Variants in MYO5B observed in about 807,000 individuals in gnomAD.
MYO5B encodes unconventional myosin-Vb.
MYO5B carries 143 observed loss-of-function variants against 229.3 expected under a neutral mutation model. The ratio of observed to expected loss-of-function variants is 0.62; its 90% CI spans 0.54 to 0.72. MYO5B has a LOEUF of 0.72. MYO5B is among the 30% of genes least tolerant of loss of function. The pLI, the probability that MYO5B is intolerant of heterozygous loss-of-function variation, is 0.00. For missense variants in MYO5B, 2,321 were observed against 2,331.0 expected (o/e 1.00, Z 0.09); for synonymous variants, 918 against 885.2 (o/e 1.04, Z -0.66).
chr18:50,121,460 A>G (rs182776510), intron 1 of MYO5B, among the ~76,000 whole-genome samples: 1 of 152,346 alleles, frequency 6.6e-6, no homozygotes, highest in Non-Finnish European at 1.5e-5. Context: ...GATTTACCTA[A>G]AAGATTTATC....
chr18:50,075,323 G>A (rs1469038825), intron 1 of MYO5B, among the ~76,000 whole-genome samples: 1 of 152,172 alleles, frequency 6.6e-6, no homozygotes, highest in Non-Finnish European at 1.5e-5. Context: ...CATCTCAGGT[G>A]TGTGCCAAGA....
chr18:49,865,932 T>C (rs2024390238), intron 27 of MYO5B, among the ~76,000 whole-genome samples: 1 of 152,086 alleles, frequency 6.6e-6, no homozygotes, highest in Admixed American at 6.5e-5. Flanking sequence ...CCCCCACACA[T>C]AACCTCTCCT....
intron 4 of MYO5B, among the ~76,000 whole-genome samples, chr18:50,015,902 A>C (rs552693529): frequency 1.3e-5 from 2 of 152,302 alleles, no homozygotes; most frequent in African/African-American, 4.8e-5. Flanking sequence ...ACATATTAAG[A>C]TTCTTGCTGG....
At chr18:49,889,665 C>T (rs1381968566) in intron 22 of MYO5B, among the ~76,000 whole-genome samples, 2 of 152,228 alleles carry the variant, frequency 1.3e-5, no homozygotes, top group Admixed American at 6.5e-5. Flanking sequence ...GACCCCTCGC[C>T]ATCCTTTGAG....
chr18:49,839,283 A>G lies in MYO5B; in HGVS notation c.4713T>C (p.Thr1571=), dbSNP rs1359728462. 5 of 1,613,804 alleles carry G rather than the reference A, an allele frequency of 3.1e-6. No individual in the cohort carries two copies. The African/African-American group carries it at 5.3e-5, about 17-fold the overall frequency. ...GTTCATTCTGCTTTGCAGTGTTCTG[A>G]GTCATGAAGCCCTGCAGAGGGAGAG... is the stretch of plus-strand genomic sequence containing the variant. ...KQYSGDEGFM[T]QNTAKQNEHC... Residue 1571 remains threonine (T), a synonymous_variant, in exon 36 of 40, where the codon ACT becomes ACC. Transcript: ENST00000285039.
At chr18:50,134,017 A>C (rs1364356499) in intron 1 of MYO5B, among the ~76,000 whole-genome samples, 1 of 152,216 alleles carries the variant, frequency 6.6e-6, no homozygotes, top group African/African-American at 2.4e-5. Flanking sequence ...GGAGTGAGAC[A>C]GATACAAGAT....
At chr18:50,150,922 C>T (rs1380107239) in intron 1 of MYO5B, among the ~76,000 whole-genome samples, 1 of 152,192 alleles carries the variant, frequency 6.6e-6, no homozygotes, top group Non-Finnish European at 1.5e-5. Context: ...ATACTCAATG[C>T]TCCCCTGGCA....
At chr18:50,096,108 C>A (rs1342920596) in intron 1 of MYO5B, among the ~76,000 whole-genome samples, 1 of 152,142 alleles carries the variant, frequency 6.6e-6, no homozygotes, top group Non-Finnish European at 1.5e-5. Flanking sequence ...CATTTACTGT[C>A]CAAACCAGGA....
chr18:49,965,682 C>T (rs1010870927), intron 10 of MYO5B, among the ~76,000 whole-genome samples: 4 of 152,098 alleles, frequency 2.6e-5, no homozygotes, highest in Non-Finnish European at 5.9e-5. Flanking sequence ...CTGTGCTGCC[C>T]AAGGCCAGAG....
At chr18:50,013,620 G>A (rs2026185218) in intron 4 of MYO5B, among the ~76,000 whole-genome samples, 1 of 152,110 alleles carries the variant, frequency 6.6e-6, no homozygotes, top group African/African-American at 2.4e-5. Context: ...GCCCTCTCTC[G>A]AGTGTCCTTT....
intron 2 of MYO5B, among the ~76,000 whole-genome samples, chr18:50,052,705 T>TTA (rs1555654651): frequency 2.6e-4 from 37 of 142,656 alleles, no homozygotes; most frequent in Admixed American, 1.6e-3. Flanking sequence ...TAAAGTATAA[T>TTA]AAAAAAAAAA....
At chr18:50,173,651 G>A (rs763189929) in intron 1 of MYO5B, among the ~76,000 whole-genome samples, 13 of 152,188 alleles carry the variant, frequency 8.5e-5, no homozygotes, top group Non-Finnish European at 1.6e-4. Context: ...TGAGCCAACA[G>A]GACTTGCTGA....
intron 17 of MYO5B, among the ~76,000 whole-genome samples, chr18:49,913,241 A>G (rs373042444): frequency 6.6e-6 from 1 of 152,228 alleles, no homozygotes; most frequent in South Asian, 2.1e-4. Context: ...AATGATCTCT[A>G]CTTAAACAAA....
rs1259770364 is a variant in MYO5B at position 49,825,377 on chromosome 18, T to C, written c.*1094A>G. On this transcript the variant is annotated 3_prime_UTR_variant, in exon 40 of 40. Coordinates refer to ENST00000285039, the MANE Select transcript of MYO5B (RefSeq NM_001080467.3). Reference sequence around the variant, plus strand: ...AATTTGAAAAACGTTGAAAATAACCTGAAAAGGGAAAGTTGACCTAAGCCA... The same window carrying C: ...AATTTGAAAAACGTTGAAAATAACCCGAAAAGGGAAAGTTGACCTAAGCCA... 1 of 151,876 alleles carries C rather than the reference T, an allele frequency of 6.6e-6. No homozygotes were observed. The highest frequency in any genetic ancestry group is 2.4e-5 in the African/African-American group (1 of 41,360). The allele number at this position is 151,876 out of a possible 1,614,324, so 9.4% of individuals were successfully genotyped here.
At chr18:50,033,639 G>C (rs1391952288) in intron 4 of MYO5B, among the ~76,000 whole-genome samples, 1 of 152,064 alleles carries the variant, frequency 6.6e-6, no homozygotes, top group African/African-American at 2.4e-5. Flanking sequence ...GGGCCTTCTG[G>C]GTCTCAGACA....
chr18:49,937,137 T>TC, intron 15 of MYO5B, 108 bp downstream of exon 15: 2 of 1,376,100 alleles, frequency 1.5e-6, no homozygotes, highest in Non-Finnish European at 2.1e-6. Context: ...GCTACTGATG[T>TC]CAAGGCTGCT....
chr18:50,146,853 G>A (rs1163785451), intron 1 of MYO5B, among the ~76,000 whole-genome samples: 3 of 152,070 alleles, frequency 2.0e-5, no homozygotes, highest in East Asian at 1.9e-4. Flanking sequence ...GAAGGATATA[G>A]GACAAAATGT....
intron 12 of MYO5B, among the ~76,000 whole-genome samples, chr18:49,957,836 C>T (rs896902745): frequency 1.3e-5 from 2 of 152,126 alleles, no homozygotes; most frequent in Non-Finnish European, 2.9e-5. Context: ...GCTGACCTCT[C>T]AAATCACTGT....
In MYO5B at chr18:49,837,584, C is replaced by T. The variant is rs1314742226; in HGVS notation, c.5071G>A (p.Ala1691Thr). 18 of 1,613,838 alleles carry T rather than the reference C, an allele frequency of 1.1e-5. No homozygotes were observed. The highest frequency in any genetic ancestry group is 6.6e-5 in the South Asian group (6 of 91,078). ...VFKQLFYMIN[A>T]VTLNNLLLRK... is the part of the protein sequence containing the mutation. ...AAGAGCAGGTTGTTAAGAGTCACTG[C>T]GTTGATCATGTAGAAGAGCTGTTTG... is the stretch of plus-strand genomic sequence containing the variant. The change falls in exon 37 of 40, where the codon GCA (alanine) becomes ACA (threonine). Residue 1691 changes from alanine to threonine, a missense_variant. This residue lies in a region of MYO5B where 208 missense variants were observed against 286.3 expected (regional missense o/e 0.73). Coordinates refer to ENST00000285039, the MANE Select transcript of MYO5B (RefSeq NM_001080467.3).
Sources: allele counts gnomAD v4.1 joint callset (sites outside exome capture counted in the v4.1 genomes callset), GRCh38; gene constraint gnomAD v4.1.1; regional missense constraint gnomAD v4.1.1; transcripts MANE v1.5; gene names NCBI Gene and HGNC (gene_info 2026-07-23, HGNC 2026-07-21).